RBFOX1: variants seen among roughly 807,000 people sequenced by gnomAD.
RBFOX1 encodes RNA binding fox-1 homolog 1, also known as RNA binding protein fox-1 homolog 1.
In RBFOX1, 8 loss-of-function variants were observed where a neutral mutation model predicts 57.7. The ratio of observed to expected loss-of-function variants is 0.14; its 90% CI spans 0.08 to 0.25. RBFOX1 has a LOEUF of 0.25. Among genes scored for constraint, RBFOX1 ranks in the 10% least tolerant of loss-of-function variants. The pLI is 1.00. For missense variants in RBFOX1, 611 were observed against 548.5 expected (o/e 1.11, Z -1.14); for synonymous variants, 326 against 222.4 (o/e 1.47, Z -4.15).
At chr16:6,447,148 C>A (rs1343795939) in intron 2 of RBFOX1, among the ~76,000 whole-genome samples, 7 of 152,116 alleles carry the variant, frequency 4.6e-5, no homozygotes, top group Non-Finnish European at 8.8e-5. Context: ...GTCTATTGGA[C>A]TTTTTTTCCT....
upstream of RBFOX1, among the ~76,000 whole-genome samples, chr16:6,015,339 TATAAG>T (rs1280741244): frequency 6.6e-5 from 10 of 152,150 alleles, no homozygotes; most frequent in African/African-American, 1.7e-4. Flanking sequence ...ATTAAACAAA[TATAAG>T]ATAATAATGG....
At chr16:5,462,107 G>C (rs1041929952) in intron 1 of RBFOX1, among the ~76,000 whole-genome samples, 2 of 151,380 alleles carry the variant, frequency 1.3e-5, no homozygotes, top group Non-Finnish European at 2.9e-5. Context: ...GTGGAACGCT[G>C]TGCTTGCCTA....
At chr16:5,409,714 G>T (rs2066963503) in intron 1 of RBFOX1, among the ~76,000 whole-genome samples, 1 of 152,014 alleles carries the variant, frequency 6.6e-6, no homozygotes, top group African/African-American at 2.4e-5. Flanking sequence ...TAGAGTGAGA[G>T]ATGGTGTGTC....
chr16:7,281,067 G>GTGA (rs2095534558), intron 4 of RBFOX1, among the ~76,000 whole-genome samples: 1 of 147,632 alleles, frequency 6.8e-6, no homozygotes, highest in Non-Finnish European at 1.5e-5. Context: ...CAGTGGCACA[G>GTGA]TCTTGGCTCA....
At chr16:5,490,409 C>G (rs2042787858) in intron 2 of RBFOX1, among the ~76,000 whole-genome samples, 1 of 152,202 alleles carries the variant, frequency 6.6e-6, no homozygotes, top group South Asian at 2.1e-4. Context: ...AACCCAGGTT[C>G]CTCCTATTCA....
chr16:6,680,381 G>C (rs981560773), intron 3 of RBFOX1, among the ~76,000 whole-genome samples: 5 of 146,940 alleles, frequency 3.4e-5, no homozygotes, highest in Non-Finnish European at 5.9e-5. Flanking sequence ...TCCTGCCTCA[G>C]CCTCCCGAGT....
chr16:5,812,769 C>G (rs775465654), intron 3 of RBFOX1, among the ~76,000 whole-genome samples: 1 of 152,106 alleles, frequency 6.6e-6, no homozygotes, highest in African/African-American at 2.4e-5. Context: ...TCGGCCCAGT[C>G]TTCTAAATGT....
rs139962647 is a variant in RBFOX1, at chr16:5,763,213, A to T, written c.319-104090A>T. Among the ~76,000 whole-genome samples the T allele has an allele frequency of 4.2e-3, 643 of 152,136 alleles. 6 individuals carry two copies. Among genetic ancestry groups the T allele is most frequent in the African/African-American group, 0.015 (605 of 41,496 alleles). ...CTTCCTTCCCCGCTGTTGGCACTTTAAGCTTTTTCAATTGCAGATCCACAC... is the reference window on the plus strand; with the variant it reads ...CTTCCTTCCCCGCTGTTGGCACTTTTAGCTTTTTCAATTGCAGATCCACAC... On this transcript the variant is annotated intron_variant, in intron 3 of 19. Coordinates refer to the RBFOX1 transcript ENST00000641259.
intron 4 of RBFOX1, among the ~76,000 whole-genome samples, chr16:5,876,425 C>A (rs1352657571): frequency 6.6e-6 from 1 of 152,158 alleles, no homozygotes; most frequent in Non-Finnish European, 1.5e-5. Context: ...ACACCCGAGG[C>A]TATCAGACCC....
At chr16:5,365,622 T>C (rs998963416) in intron 1 of RBFOX1, among the ~76,000 whole-genome samples, 2 of 152,132 alleles carry the variant, frequency 1.3e-5, no homozygotes, top group African/African-American at 2.4e-5. Flanking sequence ...TGAGCCGATA[T>C]CGTGCACTGT....
intron 3 of RBFOX1, among the ~76,000 whole-genome samples, chr16:7,037,228 C>CTTTTTT (rs889539532): frequency 1.2e-4 from 10 of 80,552 alleles, no homozygotes; most frequent in African/African-American, 2.0e-4. Context: ...GTCTTAGCCT[C>CTTTTTT]TTTTTTTTTT....
At chr16:6,775,751 G>C (rs1323165688) in intron 3 of RBFOX1, 2 of 152,158 alleles carry the variant, frequency 1.3e-5, no homozygotes, top group African/African-American at 4.8e-5. Context: ...CAGCAAACGG[G>C]TGACAGTGAG....
chr16:6,493,971 C>G (rs1219795492), intron 2 of RBFOX1, among the ~76,000 whole-genome samples: 1 of 152,126 alleles, frequency 6.6e-6, no homozygotes, highest in African/African-American at 2.4e-5. Flanking sequence ...TTCCTGTATA[C>G]CAGAAGATAC....
At chr16:6,903,762 G>T (rs1029848413) in intron 3 of RBFOX1, among the ~76,000 whole-genome samples, 3 of 152,190 alleles carry the variant, frequency 2.0e-5, no homozygotes, top group Non-Finnish European at 4.4e-5. Flanking sequence ...GAGAGGCAGA[G>T]GGCTGAGGGC....
chr16:5,586,403 G>T (rs1360756507), intron 2 of RBFOX1, among the ~76,000 whole-genome samples: 1 of 152,204 alleles, frequency 6.6e-6, no homozygotes, highest in African/African-American at 2.4e-5. Context: ...GACTGTGCCA[G>T]AACTCATGCT....
chr16:6,686,796 T>C (rs1446130645), intron 3 of RBFOX1, among the ~76,000 whole-genome samples: 1 of 152,136 alleles, frequency 6.6e-6, no homozygotes, highest in Non-Finnish European at 1.5e-5. Context: ...AGTTAACACA[T>C]CAAGAAACCC....
chr16:6,697,327 G>A (rs926249255), intron 3 of RBFOX1, among the ~76,000 whole-genome samples: 4 of 152,138 alleles, frequency 2.6e-5, no homozygotes, highest in Non-Finnish European at 5.9e-5. Flanking sequence ...AAGCTTGCCA[G>A]AGGAAGTCAT....
intron 4 of RBFOX1, among the ~76,000 whole-genome samples, chr16:5,906,773 C>G (rs2058469062): frequency 8.7e-6 from 1 of 114,416 alleles, no homozygotes; most frequent in Non-Finnish European, 1.6e-5. Flanking sequence ...CTCGCACTGT[C>G]TTCCAGGCTG....
intron 4 of RBFOX1, among the ~76,000 whole-genome samples, chr16:7,477,817 CCT>C (rs2063056902): frequency 6.6e-6 from 1 of 152,060 alleles, no homozygotes; most frequent in South Asian, 2.1e-4. Context: ...GAAAATAGAC[CCT>C]GAGTCTAGGA....
Sources: gnomAD v4.1 joint callset for allele counts (sites outside exome capture counted in the v4.1 genomes callset) on GRCh38, gnomAD v4.1.1 for gene constraint, MANE v1.5 for transcripts, NCBI Gene and HGNC (gene_info 2026-07-23, HGNC 2026-07-21) for gene names.